The following VPS54 variants were observed in gnomAD, a reference collection of about 807,000 sequenced individuals.
VPS54 encodes vacuolar protein sorting-associated protein 54.
VPS54 carries 45 observed loss-of-function variants against 121.5 expected under a neutral mutation model. That is an observed-to-expected ratio of 0.37 (90% CI 0.29 to 0.47). The LOEUF is 0.47. VPS54 is among the 20% of genes least tolerant of loss of function. The pLI is 0.99. For missense variants in VPS54, 1,090 were observed against 1,131.4 expected (o/e 0.96, Z 0.52); for synonymous variants, 371 against 385.8 (o/e 0.96, Z 0.45).
Position 63,962,904 on chromosome 2 carries a change from T to A in VPS54, c.625-461A>T, listed in dbSNP as rs547260609. Reference sequence around the variant, plus strand: ...ATTAGGCACAGGTATTTTATACACATCTAATTTTTCTAATTTTAACAATCT... The same window carrying A: ...ATTAGGCACAGGTATTTTATACACAACTAATTTTTCTAATTTTAACAATCT... On this transcript the variant is annotated intron_variant, in intron 6 of 22. Coordinates refer to ENST00000272322, the MANE Select transcript of VPS54 (RefSeq NM_016516.3). Among the ~76,000 whole-genome samples, 6 of 152,260 alleles carry A rather than the reference T, an allele frequency of 3.9e-5. No homozygotes were observed. In the East Asian group the frequency reaches 1.2e-3, roughly 29 times the overall value.
At chr2:63,942,726 G>C (rs1005358222) in intron 10 of VPS54, among the ~76,000 whole-genome samples, 165 bp from the exon 11 acceptor site, 4 of 151,948 alleles carry the variant, frequency 2.6e-5, no homozygotes, top group Non-Finnish European at 4.4e-5. Context: ...AAGAGTTATG[G>C]CTTATTTAAA....
intron 5 of VPS54, among the ~76,000 whole-genome samples, chr2:63,968,101 C>A (rs895019374): frequency 1.3e-5 from 2 of 151,242 alleles, no homozygotes; most frequent in Non-Finnish European, 2.9e-5. Flanking sequence ...ATCCTTCTAC[C>A]TTTTTTGTGT....
At chr2:63,952,125 A>T (rs1200858978) in intron 7 of VPS54, among the ~76,000 whole-genome samples, 1 of 152,190 alleles carries the variant, frequency 6.6e-6, no homozygotes, top group Non-Finnish European at 1.5e-5. Context: ...TCTTTCTTAT[A>T]ATCAGTTTGA....
chr2:63,993,414 C>T lies in VPS54; in HGVS notation c.-20-9395G>A, dbSNP rs533136215. Among the ~76,000 whole-genome samples the T allele has an allele frequency of 1.8e-4, 27 of 152,258 alleles. No homozygotes were observed. The South Asian group carries it at 5.0e-3, about 28-fold the overall frequency. The stretch of plus-strand genomic sequence containing the variant: ...ACCATCCAGTTATCTAGAGTACAGC[C>T]GTTTCAGCCTTTTCAGCTTCTGGTT... On this transcript the variant is annotated intron_variant, in intron 1 of 22. Transcript: ENST00000272322.
At chr2:63,956,826 G>A (rs1158063131) in intron 7 of VPS54, among the ~76,000 whole-genome samples, 1 of 152,148 alleles carries the variant, frequency 6.6e-6, no homozygotes, top group Non-Finnish European at 1.5e-5. Context: ...GTATGAAGTA[G>A]TAGGAATAGA....
intron 9 of VPS54, among the ~76,000 whole-genome samples, chr2:63,945,826 T>A (rs1011751551): frequency 2.0e-5 from 3 of 152,176 alleles, no homozygotes; most frequent in Non-Finnish European, 2.9e-5. Context: ...TTGTGATACA[T>A]GCAACAGTTT....
intron 20 of VPS54, among the ~76,000 whole-genome samples, chr2:63,900,631 A>G (rs1489826384): frequency 6.6e-6 from 1 of 152,188 alleles, no homozygotes; most frequent in Non-Finnish European, 1.5e-5. Context: ...AGTGAAGGAT[A>G]TTTACATAAT....
chr2:63,944,607 C>A lies in VPS54; in HGVS notation c.1294G>T (p.Val432Phe). 6.2e-7 allele frequency: 1 copy of A among 1,610,096 alleles called. No homozygotes were observed. The highest frequency in any genetic ancestry group is 1.1e-5 in the South Asian group (1 of 90,430). The change falls in exon 10 of 23, where the codon GTT becomes TTT. Residue 432 changes from valine to phenylalanine, a missense_variant. By Grantham distance (50) the Val-to-Phe change is conservative. Transcript: ENST00000272322. ...SQTEEIDTDVVVKLADQMRML... is the reference protein window; with the variant it reads ...SQTEEIDTDVFVKLADQMRML... ...CTATATATTTATACTTACTTCACAA[C>A]AACATCTGTGTCTATTTCTTCTGTT...
rs187974820 is a variant in VPS54 at position 63,966,276 on chromosome 2, C to T, written c.493-310G>A. Among the ~76,000 whole-genome samples, 260 of 152,318 alleles carry T rather than the reference C, an allele frequency of 1.7e-3. 3 individuals are homozygous for T. Among genetic ancestry groups the T allele is most frequent in the Non-Finnish European group, 2.0e-3 (136 of 68,026 alleles). On this transcript the variant is annotated intron_variant, in intron 5 of 22. Coordinates refer to ENST00000272322, the MANE Select transcript of VPS54 (RefSeq NM_016516.3). ...GTACATACCAGAGGCAGATATAATA[C>T]TCATCCTAAAATTTCCACATTATTT... is the stretch of plus-strand genomic sequence containing the variant.
intron 1 of VPS54, among the ~76,000 whole-genome samples, chr2:64,014,288 A>G (rs1039223303): frequency 1.3e-5 from 2 of 152,204 alleles, no homozygotes; most frequent in African/African-American, 4.8e-5. Flanking sequence ...ACGACAGCAT[A>G]CTCTTAAAAA....
intron 12 of VPS54, among the ~76,000 whole-genome samples, chr2:63,931,462 C>T (rs145751280): frequency 0.013 from 1,962 of 152,232 alleles, 57 homozygotes; most frequent in African/African-American, 0.045. Flanking sequence ...ATGCAGAAAA[C>T]TGAAACTGGA....
intron 1 of VPS54, among the ~76,000 whole-genome samples, chr2:64,006,243 C>T (rs1678149160): frequency 6.6e-6 from 1 of 152,206 alleles, no homozygotes; most frequent in Non-Finnish European, 1.5e-5. Flanking sequence ...GTGTGTAAGA[C>T]ACACAAGCCA....
At chr2:64,018,024 T>C (rs1187377435) in intron 1 of VPS54, among the ~76,000 whole-genome samples, 9 of 152,214 alleles carry the variant, frequency 5.9e-5, no homozygotes, top group Non-Finnish European at 1.3e-4. Context: ...TTCGGATTTA[T>C]AAAAGTGAAT....
chr2:64,016,180 C>A (rs761899840), intron 1 of VPS54, among the ~76,000 whole-genome samples: 1 of 152,118 alleles, frequency 6.6e-6, no homozygotes, highest in Non-Finnish European at 1.5e-5. Flanking sequence ...GACAAAAATG[C>A]CCACTTTTAC....
intron 3 of VPS54, among the ~76,000 whole-genome samples, chr2:63,980,229 T>C (rs1331950990): frequency 6.6e-6 from 1 of 152,198 alleles, no homozygotes; most frequent in Non-Finnish European, 1.5e-5. Context: ...ACTAATAGTT[T>C]TTGCTCTGAA....
In VPS54 at chr2:63,962,450, A is replaced by G; in HGVS notation, c.625-7T>C. 1 of 1,595,424 alleles carries G rather than the reference A, an allele frequency of 6.3e-7. No homozygotes were observed. The highest frequency in any genetic ancestry group is 8.5e-7 in the Non-Finnish European group (1 of 1,171,100). On this transcript the variant is annotated splice_polypyrimidine_tract_variant and splice_region_variant and intron_variant, in intron 6 of 22. Coordinates refer to ENST00000272322, the MANE Select transcript of VPS54 (RefSeq NM_016516.3). ...TATCCAGATAATGGCTCAGCTTAAA[A>G]GAGAAGGAAAAAAAATATGAAGTAC...
chr2:63,974,365 T>G (rs777887217), intron 3 of VPS54, among the ~76,000 whole-genome samples: 7 of 152,236 alleles, frequency 4.6e-5, no homozygotes, highest in Non-Finnish European at 1.0e-4. Context: ...ATAGCAAAAC[T>G]TCAAACTGAG....
At chr2:63,902,869 G>A (rs1672742050) in intron 20 of VPS54, among the ~76,000 whole-genome samples, 2 of 152,176 alleles carry the variant, frequency 1.3e-5, no homozygotes, top group Non-Finnish European at 2.9e-5. Flanking sequence ...TCCAGAGGCT[G>A]AGACCTGAGA....
At chr2:63,999,086 A>C (rs886158783) in intron 1 of VPS54, among the ~76,000 whole-genome samples, 56 of 152,034 alleles carry the variant, frequency 3.7e-4, no homozygotes, top group Admixed American at 2.5e-3. Flanking sequence ...AGCTGGGATT[A>C]CAGGCATGGA....
Sources: allele counts gnomAD v4.1 joint callset (sites outside exome capture counted in the v4.1 genomes callset), GRCh38; gene constraint gnomAD v4.1.1; transcripts MANE v1.5; gene names NCBI Gene and HGNC (gene_info 2026-07-23, HGNC 2026-07-21).